SRBD1: variants seen among roughly 807,000 people sequenced by gnomAD.
SRBD1 encodes the protein S1 RNA binding domain 1, also known as S1 RNA-binding domain-containing protein 1.
SRBD1 carries 88 observed loss-of-function variants against 115.3 expected under a neutral mutation model. The ratio of observed to expected loss-of-function variants is 0.76; its 90% CI spans 0.64 to 0.91. SRBD1 has a LOEUF of 0.91. SRBD1 is among the 40% of genes least tolerant of loss of function. The probability of loss-of-function intolerance (pLI) is 0.00; values close to 1 mark genes in which losing one functional copy is unlikely to be tolerated. For missense variants in SRBD1, 1,385 were observed against 1,177.4 expected, an observed-to-expected ratio of 1.18 and a Z score of -2.58; for synonymous variants, 509 against 407.7, an observed-to-expected ratio of 1.25 and a Z score of -2.99.
intron 4 of SRBD1, among the ~76,000 whole-genome samples, chr2:45,594,711 C>T (rs1166403434): frequency 6.6e-6 from 1 of 152,018 alleles, no homozygotes; most frequent in Non-Finnish European, 1.5e-5. Flanking sequence ...TGCAGTAGGC[C>T]CCGATAGACC....
intron 5 of SRBD1, among the ~76,000 whole-genome samples, chr2:45,583,833 T>G (rs569722447): frequency 2.0e-5 from 3 of 152,300 alleles, no homozygotes; most frequent in Non-Finnish European, 2.9e-5. Flanking sequence ...TCAAGGAATA[T>G]TCACTCCTCT....
intron 7 of SRBD1, among the ~76,000 whole-genome samples, chr2:45,577,496 C>T (rs753132947): frequency 1.6e-4 from 25 of 152,186 alleles, no homozygotes; most frequent in Non-Finnish European, 2.5e-4. Flanking sequence ...TTTCTCCGCA[C>T]TTAAGCTACC....
intron 15 of SRBD1, among the ~76,000 whole-genome samples, chr2:45,482,612 AAAC>A (rs1350482706): frequency 9.2e-5 from 6 of 64,896 alleles, no homozygotes; most frequent in Non-Finnish European, 1.7e-4. Context: ...TCACAACGTT[AAAC>A]ACACACACAC....
At chr2:45,439,102 C>T (rs913690640) in intron 16 of SRBD1, among the ~76,000 whole-genome samples, 8 of 152,066 alleles carry the variant, frequency 5.3e-5, no homozygotes, top group African/African-American at 1.9e-4. Flanking sequence ...TGCACACACA[C>T]ATACACACAC....
At chr2:45,410,724 T>A (rs528837306) in intron 19 of SRBD1, among the ~76,000 whole-genome samples, 32 of 152,300 alleles carry the variant, frequency 2.1e-4, no homozygotes, top group Non-Finnish European at 4.6e-4. Flanking sequence ...GGAGAAGGGC[T>A]GAAGGTCGAG....
intron 15 of SRBD1, among the ~76,000 whole-genome samples, chr2:45,484,599 A>AT (rs539685575): frequency 2.0e-4 from 31 of 152,338 alleles, no homozygotes; most frequent in Non-Finnish European, 3.4e-4. Context: ...TGAAATTCCC[A>AT]TAACATATAA....
intron 8 of SRBD1, 32 bp from the exon 9 acceptor site, chr2:45,573,374 G>C (rs749610724): frequency 3.7e-5 from 59 of 1,580,934 alleles, no homozygotes; most frequent in Non-Finnish European, 5.0e-5. Flanking sequence ...CAAAAAACAA[G>C]CAGTTATTAA....
intron 4 of SRBD1, among the ~76,000 whole-genome samples, chr2:45,586,992 T>TAAAATATAATTATTA (rs1203100360): frequency 1.5e-5 from 1 of 64,694 alleles, no homozygotes; most frequent in African/African-American, 7.7e-5. Flanking sequence ...AAAATTATTT[T>TAAAATATAATTATTA]AAATATTTAA....
intron 14 of SRBD1, among the ~76,000 whole-genome samples, chr2:45,522,717 A>T (rs1226546229): frequency 3.9e-5 from 6 of 152,186 alleles, no homozygotes; most frequent in African/African-American, 1.2e-4. Flanking sequence ...GAAGACCTTT[A>T]TGATGATCCA....
In SRBD1 at chr2:45,574,698, T is replaced by G. The variant is rs768590516; in HGVS notation, c.1098A>C (p.Glu366Asp). 6.2e-7 allele frequency: 1 copy of G among 1,613,544 alleles called. No homozygotes were observed. Among genetic ancestry groups the G allele is most frequent in the African/African-American group, 1.3e-5 (1 of 74,890 alleles). ...CTGCTAAAATATGCTGCACTCCTATTTCAATATCCTGAAGCGTTGAAAGCC... is the reference window on the plus strand; with the variant it reads ...CTGCTAAAATATGCTGCACTCCTATGTCAATATCCTGAAGCGTTGAAAGCC... ...VKGLSTLQDI[E>D]IGVQHILADM... The change falls in exon 8 of 21, where the codon GAA becomes GAC. Residue 366 changes from glutamate to aspartate, a missense_variant. Coordinates refer to ENST00000263736, the MANE Select transcript of SRBD1 (RefSeq NM_018079.5).
chr2:45,509,165 T>A (rs531179789), intron 14 of SRBD1, among the ~76,000 whole-genome samples: 1 of 152,192 alleles, frequency 6.6e-6, no homozygotes, highest in Admixed American at 6.5e-5. Context: ...ATCATCTACC[T>A]ACCCTAATCT....
intron 16 of SRBD1, among the ~76,000 whole-genome samples, chr2:45,456,591 T>C (rs1669160577): frequency 6.6e-6 from 1 of 151,940 alleles, no homozygotes. Flanking sequence ...TTGAGTATAA[T>C]TTTCGAGTCA....
chr2:45,584,879 G>A (rs1456989662), intron 5 of SRBD1, among the ~76,000 whole-genome samples: 2 of 152,158 alleles, frequency 1.3e-5, no homozygotes, highest in Non-Finnish European at 2.9e-5. Context: ...GGCTGGGCAT[G>A]GTGGCTCAAG....
At chr2:45,435,717 G>T (rs1668475855) in intron 16 of SRBD1, among the ~76,000 whole-genome samples, 1 of 152,140 alleles carries the variant, frequency 6.6e-6, no homozygotes, top group Admixed American at 6.5e-5. Context: ...TACCCAGAAA[G>T]GGGTAGAAGT....
chr2:45,496,168 C>T (rs553145483), intron 14 of SRBD1, among the ~76,000 whole-genome samples: 112 of 152,280 alleles, frequency 7.4e-4, no homozygotes, highest in Middle Eastern at 3.4e-3. Flanking sequence ...TCCACTGCTC[C>T]TATGTTTTGT....
At chr2:45,394,199 C>T (rs987073384) in intron 19 of SRBD1, among the ~76,000 whole-genome samples, 1 of 152,048 alleles carries the variant, frequency 6.6e-6, no homozygotes, top group African/African-American at 2.4e-5. Flanking sequence ...TTATAATTTT[C>T]TTTTACTATG....
intron 4 of SRBD1, among the ~76,000 whole-genome samples, chr2:45,596,150 C>G (rs1572822160): frequency 1.3e-5 from 2 of 152,280 alleles, no homozygotes; most frequent in East Asian, 3.9e-4. Flanking sequence ...CACAACACAA[C>G]AAAGGACATT....
At chr2:45,436,515 T>G (rs1668504028) in intron 16 of SRBD1, among the ~76,000 whole-genome samples, 2 of 152,186 alleles carry the variant, frequency 1.3e-5, no homozygotes, top group South Asian at 4.1e-4. Context: ...GAAAGAGGTT[T>G]AACTGACTCA....
intron 5 of SRBD1, among the ~76,000 whole-genome samples, chr2:45,583,317 G>C (rs771226258): frequency 1.3e-5 from 2 of 152,054 alleles, no homozygotes; most frequent in African/African-American, 4.8e-5. Context: ...GTCTTCTATA[G>C]TCATGGTAGC....
Sources: gnomAD v4.1 joint callset for allele counts (sites outside exome capture counted in the v4.1 genomes callset) on GRCh38, gnomAD v4.1.1 for gene constraint, MANE v1.5 for transcripts, NCBI Gene and HGNC (gene_info 2026-07-23, HGNC 2026-07-21) for gene names.